The following PER3 variants were observed in gnomAD, a reference collection of about 807,000 sequenced individuals.
PER3 encodes period circadian regulator 3.
Under a neutral mutation model 127.2 loss-of-function variants are expected in PER3, and 107 were observed. That is an observed-to-expected ratio of 0.84 (90% CI 0.72 to 0.99). The LOEUF is 0.99. PER3 is among the 50% of genes least tolerant of loss of function. PER3 has a pLI of 0.00. For missense variants in PER3, 1,560 were observed against 1,525.8 expected, an observed-to-expected ratio of 1.02 and a Z score of -0.37; for synonymous variants, 618 against 585.8, an observed-to-expected ratio of 1.05 and a Z score of -0.79.
At chr1:7,820,030 T>C in intron 14 of PER3, 85 bp from the exon 15 acceptor site, 1 of 1,360,852 alleles carries the variant, frequency 7.3e-7, no homozygotes, top group Admixed American at 2.0e-5. Context: ...ATGCCAAACA[T>C]AAGTGGCATG....
chr1:7,819,445 C>A, intron 14 of PER3, 25 bp downstream of exon 14: 1 of 1,608,608 alleles, frequency 6.2e-7, no homozygotes, highest in South Asian at 1.1e-5. Flanking sequence ...GTTTGGATAC[C>A]ATGTAAGTCT....
rs2794664 is a variant in PER3, at chr1:7,784,384, C to A, written c.-225+8C>A. Reference sequence around the variant, plus strand: ...CAAGGGCGGGGGCAGCAGGTGAGTGCGCGGCCGGGCGGGAGTTCTGGGCGG... The same window carrying A: ...CAAGGGCGGGGGCAGCAGGTGAGTGAGCGGCCGGGCGGGAGTTCTGGGCGG... On this transcript the variant is annotated splice_region_variant and intron_variant, in intron 1 of 21. Coordinates refer to ENST00000377532, the MANE Select transcript of PER3 (RefSeq NM_001377275.1). The A allele has an allele frequency of 0.22, 33,168 of 150,108 alleles. 4,282 individuals are homozygous for A. The highest frequency in any genetic ancestry group is 0.38 in the East Asian group (1,955 of 5,084). 9.3% of individuals were successfully genotyped at this position (150,108 alleles called of 1,614,324 possible).
chr1:7,794,524 G>GA (rs935522296), intron 6 of PER3, among the ~76,000 whole-genome samples: 1 of 151,912 alleles, frequency 6.6e-6, no homozygotes, highest in Non-Finnish European at 1.5e-5. Context: ...AATGCGATAG[G>GA]AAAAAAGTCT....
At chr1:7,814,563 C>A (rs1222470582) in intron 13 of PER3, among the ~76,000 whole-genome samples, 1 of 151,984 alleles carries the variant, frequency 6.6e-6, no homozygotes, top group East Asian at 1.9e-4. Context: ...CACACTTACT[C>A]CACAAGAAAT....
chr1:7,803,556 C>G, intron 9 of PER3, 136 bp from the exon 10 acceptor site: 1 of 619,622 alleles, frequency 1.6e-6, no homozygotes, highest in East Asian at 2.8e-5. Flanking sequence ...CCACTGCACT[C>G]CAGCCTAGGC....
chr1:7,820,326 C>A, intron 15 of PER3, 87 bp downstream of exon 15: 1 of 1,458,324 alleles, frequency 6.9e-7, no homozygotes, highest in Non-Finnish European at 9.4e-7. Flanking sequence ...TTGTTATAAG[C>A]ATAAAATTCT....
chr1:7,801,192 G>C lies in PER3; in HGVS notation c.872+1G>C. 1 of 1,524,948 alleles carries C rather than the reference G, an allele frequency of 6.6e-7. No homozygotes were observed. Among genetic ancestry groups the C allele is most frequent in the Non-Finnish European group, 9.0e-7 (1 of 1,108,286 alleles). 94.5% of individuals were successfully genotyped at this position (1,524,948 alleles called of 1,614,324 possible). A position where few individuals can be genotyped will look rare whatever the true frequency, so the allele number is the denominator to read the frequency against. ...GTGTTTTTCTTGAAGTAGATGAAAAGTAAGTACTTCTTTAAGCCTAAAAGA... is the reference window on the plus strand; with the variant it reads ...GTGTTTTTCTTGAAGTAGATGAAAACTAAGTACTTCTTTAAGCCTAAAAGA... On this transcript the variant is annotated splice_donor_variant, in intron 8 of 21. Coordinates refer to ENST00000377532, the MANE Select transcript of PER3 (RefSeq NM_001377275.1). LOFTEE classifies it high-confidence loss of function.
chr1:7,804,234 A>G (rs1316386682), intron 10 of PER3, among the ~76,000 whole-genome samples: 2 of 152,094 alleles, frequency 1.3e-5, no homozygotes, highest in Non-Finnish European at 2.9e-5. Flanking sequence ...TGAAATAAGG[A>G]AAAGAGAATT....
Position 7,793,967 on chromosome 1 carries a change from G to A in PER3, c.603G>A (p.Arg201=), listed in dbSNP as rs1247262843. ...CATCTTTCTTTCTAGCAGCTGCACG[G>A]TATGAATGTGCTCCGGTGAAACCTT... ...WNNWTQRAAA[R]YECAPVKPFF... The change falls in exon 6 of 22, where the codon CGG becomes CGA. Residue 201 remains arginine (R), a synonymous_variant. Transcript: ENST00000377532. 2 of 1,613,834 alleles carry A rather than the reference G, an allele frequency of 1.2e-6. No individual in the cohort carries two copies. The highest frequency in any genetic ancestry group is 2.7e-5 in the African/African-American group (2 of 74,902).
intron 5 of PER3, among the ~76,000 whole-genome samples, chr1:7,792,920 C>A (rs1330769700): frequency 6.6e-6 from 1 of 152,170 alleles, no homozygotes; most frequent in African/African-American, 2.4e-5. Context: ...AGTTGGAGTT[C>A]ATGTGTCTGG....
intron 19 of PER3, among the ~76,000 whole-genome samples, chr1:7,834,522 C>A (rs754345400): frequency 2.0e-4 from 30 of 152,298 alleles, no homozygotes; most frequent in South Asian, 1.4e-3. Context: ...CTGATGCAAT[C>A]ATAGCTCACT....
intron 13 of PER3, among the ~76,000 whole-genome samples, chr1:7,811,309 A>G (rs1227512042): frequency 1.3e-5 from 2 of 152,178 alleles, no homozygotes; most frequent in Non-Finnish European, 2.9e-5. Context: ...CAGTGGGGTG[A>G]AATTTTTGAG....
rs537440304 is a variant in PER3 at position 7,792,630 on chromosome 1, C to G, written c.593-1327C>G. Among the ~76,000 whole-genome samples the G allele has an allele frequency of 9.2e-5, 14 of 152,266 alleles. No homozygotes were observed. The South Asian group carries it at 2.3e-3, about 25-fold the overall frequency. ...TTTATAGGCTATGCCTGCGTTACCC[C>G]CTTCGATTCCTTACTTTGAGCACAT... On this transcript the variant is annotated intron_variant, in intron 5 of 21. Transcript: ENST00000377532.
In PER3 at chr1:7,788,197, G is replaced by T; in HGVS notation, c.543G>T (p.Ala181=). The T allele has an allele frequency of 1.2e-6, 2 of 1,613,942 alleles. No individual in the cohort carries two copies. The highest frequency in any genetic ancestry group is 1.7e-6 in the Non-Finnish European group (2 of 1,179,912). ...LAPQDMRVFY[A]HTARAQLPFW... is the part of the protein sequence containing the mutation. ...CTCAAGACATGAGGGTATTCTACGC[G>T]CACACTGCCAGAGCTCAGCTTCCTT... Residue 181 remains alanine, a synonymous_variant, in exon 5 of 22, where the codon GCG becomes GCT. Transcript: ENST00000377532.
intron 10 of PER3, among the ~76,000 whole-genome samples, chr1:7,807,253 A>G (rs1408496063): frequency 6.6e-6 from 1 of 152,182 alleles, no homozygotes; most frequent in East Asian, 1.9e-4. Context: ...TGCCACAGAC[A>G]TATGGTGTAC....
intron 19 of PER3, among the ~76,000 whole-genome samples, chr1:7,834,860 T>C (rs549808476): frequency 6.6e-6 from 1 of 152,316 alleles, no homozygotes; most frequent in African/African-American, 2.4e-5. Flanking sequence ...GTGTTTTTAA[T>C]TCCTTCAAAG....
At chr1:7,789,963 T>C (rs1057127856) in intron 5 of PER3, among the ~76,000 whole-genome samples, 3 of 152,238 alleles carry the variant, frequency 2.0e-5, no homozygotes, top group Non-Finnish European at 2.9e-5. Context: ...TCTCTGCTTT[T>C]GTTAGCTGTT....
In PER3 at chr1:7,820,652, G is replaced by T; in HGVS notation, c.1957+12G>T. Reference sequence around the variant, plus strand: ...ACCCCCAGAGACAGGTACCACACTCGCCTCTTACTTTGAAAATATACTCAA... The same window carrying T: ...ACCCCCAGAGACAGGTACCACACTCTCCTCTTACTTTGAAAATATACTCAA... On this transcript the variant is annotated intron_variant, in intron 16 of 21. Transcript: ENST00000377532. 6.3e-7 allele frequency: 1 copy of T among 1,584,652 alleles called. No homozygotes were observed. The highest frequency in any genetic ancestry group is 8.6e-7 in the Non-Finnish European group (1 of 1,164,170).
At chr1:7,810,405 T>C (rs1486763866) in intron 12 of PER3, 33 bp from the exon 13 acceptor site, 2 of 1,502,316 alleles carry the variant, frequency 1.3e-6, no homozygotes, top group African/African-American at 2.8e-5. Flanking sequence ...TTTTATAATT[T>C]TTGAAACATA....
Sources: gnomAD v4.1 joint callset for allele counts (sites outside exome capture counted in the v4.1 genomes callset) on GRCh38, gnomAD v4.1.1 for gene constraint, MANE v1.5 for transcripts, NCBI Gene and HGNC (gene_info 2026-07-23, HGNC 2026-07-21) for gene names.